Variants in UGT1A8 observed in about 807,000 individuals in gnomAD.
UGT1A8 encodes UDP-glucuronosyltransferase 1A8.
In UGT1A8, 39 loss-of-function variants were observed where a neutral mutation model predicts 45.3. The ratio of observed to expected loss-of-function variants is 0.86; its 90% CI spans 0.67 to 1.12. UGT1A8 has a LOEUF of 1.12. Among genes scored for constraint, UGT1A8 ranks in the 50% most tolerant of loss-of-function variants. UGT1A8 has a pLI of 0.00. For synonymous variants in UGT1A8, 275 were observed against 249.2 expected (o/e 1.10, Z -0.97); for missense variants, 719 against 664.9 (o/e 1.08, Z -0.90).
chr2:233,747,991 A>G (rs532442400), intron 1 of UGT1A8: 1 of 1,612,870 alleles, frequency 6.2e-7, no homozygotes, highest in Non-Finnish European at 8.5e-7. Context: ...TTCCGAGGGG[A>G]CTTTGTGATG....
Position 233,747,263 on chromosome 2 carries a change from T to G in UGT1A8, c.856-19771T>G, listed in dbSNP as rs1693601928. 9 of 1,599,140 alleles carry G rather than the reference T, an allele frequency of 5.6e-6. 1 individual carries two copies. The highest frequency in any genetic ancestry group is 3.6e-4 in the Middle Eastern group (2 of 5,530). ...CTGCTGTGGCTGGCCACAGGAGTGCTACTCCTTCTCAGTGCCCAGCCCTGG... is the reference window on the plus strand; with the variant it reads ...CTGCTGTGGCTGGCCACAGGAGTGCGACTCCTTCTCAGTGCCCAGCCCTGG... On this transcript the variant is annotated intron_variant, in intron 1 of 4. Coordinates refer to ENST00000373450, the MANE Select transcript of UGT1A8 (RefSeq NM_019076.5).
At position 233,755,143 on chromosome 2, in the gene UGT1A8, C is replaced by A. The variant is rs1695780518; in HGVS notation, c.856-11891C>A. On this transcript the variant is annotated intron_variant, in intron 1 of 4. Transcript: ENST00000373450. Reference sequence around the variant, plus strand: ...TCAGCCACCTGCTTGAATCTTCTCACCGCTTCCTCCCTGTCCTCGGGGTTT... The same window carrying A: ...TCAGCCACCTGCTTGAATCTTCTCAACGCTTCCTCCCTGTCCTCGGGGTTT... The A allele has an allele frequency of 1.1e-5, 14 of 1,305,072 alleles. No homozygotes were observed. The South Asian group carries it at 1.6e-4, about 15-fold the overall frequency. 80.8% of individuals were successfully genotyped at this position (1,305,072 alleles called of 1,614,324 possible). A position where few individuals can be genotyped will look rare whatever the true frequency, so the allele number is the denominator to read the frequency against.
intron 1 of UGT1A8, among the ~76,000 whole-genome samples, chr2:233,759,764 A>G (rs1348961231): frequency 6.6e-6 from 1 of 152,112 alleles, no homozygotes; most frequent in Non-Finnish European, 1.5e-5. Context: ...GACTCAATAA[A>G]TATTGTTGGA....
At chr2:233,764,847 C>G (rs1361860386) in intron 1 of UGT1A8, among the ~76,000 whole-genome samples, 2 of 147,962 alleles carry the variant, frequency 1.4e-5, no homozygotes, top group Non-Finnish European at 3.0e-5. Flanking sequence ...ATGACTCTGT[C>G]CTCCCTGACT....
At chr2:233,667,533 G>A (rs572002865) in intron 1 of UGT1A8, among the ~76,000 whole-genome samples, 1 of 152,250 alleles carries the variant, frequency 6.6e-6, no homozygotes, top group Admixed American at 6.5e-5. Context: ...TTGACAAATG[G>A]GATCTCATTA....
At chr2:233,737,647 C>G (rs1413488043) in intron 1 of UGT1A8, among the ~76,000 whole-genome samples, 1 of 152,204 alleles carries the variant, frequency 6.6e-6, no homozygotes, top group Non-Finnish European at 1.5e-5. Flanking sequence ...GTCGATCATG[C>G]TGGGAGCTGC....
chr2:233,648,096 C>A (rs12995772), intron 1 of UGT1A8: 91,034 of 1,495,058 alleles, frequency 0.061, 3,181 homozygotes, highest in Middle Eastern at 0.098. Flanking sequence ...AGGATCTGGA[C>A]CAGGAGTTCA....
At chr2:233,679,142 A>C (rs533337992) in intron 1 of UGT1A8, among the ~76,000 whole-genome samples, 1 of 152,154 alleles carries the variant, frequency 6.6e-6, no homozygotes, top group Non-Finnish European at 1.5e-5. Flanking sequence ...TGAGAGACTG[A>C]ATTAGAGATG....
At chr2:233,698,746 T>C (rs1160364349) in intron 1 of UGT1A8, among the ~76,000 whole-genome samples, 1 of 152,368 alleles carries the variant, frequency 6.6e-6, no homozygotes, top group Non-Finnish European at 1.5e-5. Context: ...ATTTTTTACA[T>C]AATGCTATGA....
chr2:233,655,144 G>GAAAA (rs2125481170), intron 1 of UGT1A8, among the ~76,000 whole-genome samples: 1 of 152,162 alleles, frequency 6.6e-6, no homozygotes, highest in South Asian at 2.1e-4. Flanking sequence ...AAGAAAGAAA[G>GAAAA]AAAAAGTGAA....
At chr2:233,692,142 C>G (rs1377073797) in intron 1 of UGT1A8, 1 of 152,134 alleles carries the variant, frequency 6.6e-6, no homozygotes, top group East Asian at 1.9e-4. Flanking sequence ...GTATGGAAGC[C>G]TACATAAAAA....
intron 1 of UGT1A8, chr2:233,682,363 T>C: frequency 6.2e-7 from 1 of 1,614,138 alleles, no homozygotes; most frequent in Non-Finnish European, 8.5e-7. Flanking sequence ...AGAGTTGTTT[T>C]GATGCAGTGT....
chr2:233,707,721 T>C (rs2075983145), intron 1 of UGT1A8, among the ~76,000 whole-genome samples: 1 of 152,222 alleles, frequency 6.6e-6, no homozygotes, highest in Non-Finnish European at 1.5e-5. Context: ...CTGTGAACAA[T>C]GTTACAACGA....
chr2:233,627,848 G>T (rs899209018), intron 1 of UGT1A8, among the ~76,000 whole-genome samples: 13 of 151,930 alleles, frequency 8.6e-5, no homozygotes, highest in African/African-American at 2.9e-4. Flanking sequence ...ATCATTAGGG[G>T]CACTCTGTAG....
intron 1 of UGT1A8, among the ~76,000 whole-genome samples, chr2:233,732,747 C>T (rs2078308352): frequency 6.7e-6 from 1 of 150,262 alleles, no homozygotes; most frequent in South Asian, 2.1e-4. Flanking sequence ...CATGATGCCA[C>T]CAGCTTTGTT....
rs932840161 is a variant in UGT1A8, at chr2:233,740,624, G to A, written c.856-26410G>A. ...TCTCCAGGTCTCTTGGGGCTCACAG[G>A]GTCATGCCTTTCCTTGCCCAGTGTA... On this transcript the variant is annotated intron_variant, in intron 1 of 4. Coordinates refer to ENST00000373450, the MANE Select transcript of UGT1A8 (RefSeq NM_019076.5). 1.3e-5 allele frequency: 2 copies of A among 151,796 alleles called. 1 individual carries two copies. Among genetic ancestry groups the A allele is most frequent in the African/African-American group, 4.9e-5 (2 of 41,062 alleles). 9.4% of individuals were successfully genotyped at this position (151,796 alleles called of 1,614,324 possible).
intron 1 of UGT1A8, among the ~76,000 whole-genome samples, chr2:233,699,734 C>G (rs943749352): frequency 6.6e-6 from 1 of 152,176 alleles, no homozygotes. Flanking sequence ...GGAGCGTTTT[C>G]CCAGAAAACT....
At chr2:233,719,005 C>A in intron 1 of UGT1A8, 1 of 1,614,252 alleles carries the variant, frequency 6.2e-7, no homozygotes, top group Non-Finnish European at 8.5e-7. Context: ...GTGGTCCTCA[C>A]CCCAGAGGTG....
intron 1 of UGT1A8, among the ~76,000 whole-genome samples, chr2:233,730,410 A>G (rs1377970337): frequency 1.3e-5 from 2 of 152,224 alleles, no homozygotes; most frequent in African/African-American, 4.8e-5. Flanking sequence ...ACAATTGTTG[A>G]CATGATAATT....
Sources: allele counts gnomAD v4.1 joint callset (sites outside exome capture counted in the v4.1 genomes callset), GRCh38; gene constraint gnomAD v4.1.1; transcripts MANE v1.5; gene names NCBI Gene and HGNC (gene_info 2026-07-23, HGNC 2026-07-21).